Variants in ADAMTS15 observed in about 807,000 individuals in gnomAD.
ADAMTS15 encodes the protein A disintegrin and metalloproteinase with thrombospondin motifs 15.
In ADAMTS15, 35 loss-of-function variants were observed where a neutral mutation model predicts 79.1. The ratio of observed to expected loss-of-function variants is 0.44; its 90% CI spans 0.34 to 0.59. The LOEUF (loss-of-function observed/expected upper bound fraction) is 0.59. ADAMTS15 is among the 20% of genes least tolerant of loss of function. ADAMTS15 has a pLI of 0.02. For missense variants in ADAMTS15, 1,324 were observed against 1,318.7 expected (o/e 1.00, Z -0.06); for synonymous variants, 616 against 567.3 (o/e 1.09, Z -1.22).
At chr11:130,470,125 TATATATAC>T (rs750237535) in intron 5 of ADAMTS15, among the ~76,000 whole-genome samples, 26,901 of 96,128 alleles carry the variant, frequency 0.28, 4,388 homozygotes, top group Non-Finnish European at 0.31. Context: ...GAATCATATA[TATATATAC>T]ATATATATAT....
At chr11:130,452,979 CAAAAA>C (rs139829512) in intron 1 of ADAMTS15, among the ~76,000 whole-genome samples, 1 of 126,746 alleles carries the variant, frequency 7.9e-6, no homozygotes, top group Non-Finnish European at 1.7e-5. Flanking sequence ...GGCTCTGTCT[CAAAAA>C]AAAAAAAAAA....
At position 130,449,699 on chromosome 11, in the gene ADAMTS15, G is replaced by A; in HGVS notation, c.726G>A (p.Leu242=). ...KFHGADLEHY[L]LTLLATAARL... The stretch of plus-strand genomic sequence containing the variant: ...ACGGCGCGGACCTGGAACATTATCT[G>A]CTGACGCTGCTGGCAACGGCGGCGC... Residue 242 remains leucine, a synonymous_variant, in exon 1 of 8, where the codon CTG becomes CTA. Coordinates refer to ENST00000299164, the MANE Select transcript of ADAMTS15 (RefSeq NM_139055.4). This position sits in a 1 kb window ranked among gnomAD's most constrained non-coding sequence, Gnocchi z 7.8. 2 of 1,609,236 alleles carry A rather than the reference G, an allele frequency of 1.2e-6. No homozygotes were observed. The highest frequency in any genetic ancestry group is 8.5e-7 in the Non-Finnish European group (1 of 1,177,914).
Position 130,449,630 on chromosome 11 carries a change from C to T in ADAMTS15, c.657C>T (p.Tyr219=), listed in dbSNP as rs1369054225. The T allele has an allele frequency of 1.2e-6, 2 of 1,603,402 alleles. No individual in the cohort carries two copies. The highest frequency in any genetic ancestry group is 1.7e-6 in the Non-Finnish European group (2 of 1,175,510). The part of the protein sequence containing the change: ...RAKRFVSIPR[Y]VETLVVADES... ...AGCGTTTCGTGTCTATCCCGCGGTA[C>T]GTGGAGACGCTGGTGGTCGCGGACG... Residue 219 remains tyrosine (Y), a synonymous_variant, in exon 1 of 8, where the codon TAC becomes TAT. Coordinates refer to ENST00000299164, the MANE Select transcript of ADAMTS15 (RefSeq NM_139055.4). The surrounding 1 kb of genome is among the most constrained non-coding windows in gnomAD (Gnocchi z 7.8).
intron 4 of ADAMTS15, among the ~76,000 whole-genome samples, chr11:130,464,156 C>A (rs1280617886): frequency 6.6e-6 from 1 of 152,140 alleles, no homozygotes; most frequent in African/African-American, 2.4e-5. Flanking sequence ...CTAGAAGGTC[C>A]TGAGGACAGG....
intron 4 of ADAMTS15, among the ~76,000 whole-genome samples, chr11:130,468,764 C>CA (rs34961681): frequency 0.52 from 40,628 of 77,742 alleles, 10,691 homozygotes; most frequent in Non-Finnish European, 0.59. Context: ...GACTCCATCT[C>CA]AAAAAAAAAA....
At chr11:130,461,083 G>A (rs1436633817) in intron 1 of ADAMTS15, among the ~76,000 whole-genome samples, 1 of 152,214 alleles carries the variant, frequency 6.6e-6, no homozygotes, top group Non-Finnish European at 1.5e-5. Flanking sequence ...GCCTCTGGGT[G>A]GGAATGGGAC....
chr11:130,454,653 AAC>A (rs1565391658), intron 1 of ADAMTS15, among the ~76,000 whole-genome samples: 1 of 152,146 alleles, frequency 6.6e-6, no homozygotes, highest in Non-Finnish European at 1.5e-5. Flanking sequence ...ACTAACTGGA[AAC>A]ACAACACCAT....
chr11:130,473,699 C>T lies in ADAMTS15; in HGVS notation c.2731C>T (p.Arg911Trp), dbSNP rs773041965. Reference sequence around the variant, plus strand: ...GTCACCCTGCTCCAAGAGCTGCGGCCGGGGATTTCAGAGGCGCTCACTCAA... The same window carrying T: ...GTCACCCTGCTCCAAGAGCTGCGGCTGGGGATTTCAGAGGCGCTCACTCAA... ...AWSPCSKSCGRGFQRRSLKCV... is the reference protein window; with the variant it reads ...AWSPCSKSCGWGFQRRSLKCV... Residue 911 changes from arginine to tryptophan, a missense_variant, in exon 8 of 8, where the codon CGG becomes TGG. Transcript: ENST00000299164. 1.6e-5 allele frequency: 25 copies of T among 1,601,680 alleles called. No individual in the cohort carries two copies. Among genetic ancestry groups the T allele is most frequent in the Admixed American group, 1.3e-4 (8 of 59,998 alleles).
intron 1 of ADAMTS15, among the ~76,000 whole-genome samples, chr11:130,457,591 T>C (rs2134722110): frequency 6.6e-6 from 1 of 152,300 alleles, no homozygotes; most frequent in East Asian, 1.9e-4. Context: ...AGCCAATTGC[T>C]GGGAATCGTG....
rs1166805975 is a variant in ADAMTS15, at chr11:130,474,633, CTG to C, written c.*815_*816del. The C allele has an allele frequency of 1.3e-5, 2 of 152,500 alleles. No homozygotes were observed. The highest frequency in any genetic ancestry group is 2.4e-5 in the African/African-American group (1 of 41,462). 9.4% of individuals were successfully genotyped at this position (152,500 alleles called of 1,614,324 possible). A position where few individuals can be genotyped will look rare whatever the true frequency, so the allele number is the denominator to read the frequency against. On this transcript the variant is annotated 3_prime_UTR_variant, in exon 8 of 8. Transcript: ENST00000299164. ...TGACATTTGCTAGGGGCTATGCAGT[CTG>C]TGGCTGATGCAGGGAGTTTTCAGAA...
At chr11:130,457,843 C>T (rs557983096) in intron 1 of ADAMTS15, among the ~76,000 whole-genome samples, 103 of 152,222 alleles carry the variant, frequency 6.8e-4, no homozygotes, top group Admixed American at 2.4e-3. Flanking sequence ...GAGTCCCTGC[C>T]GGGGTGGGGA....
rs778980719 is a variant in ADAMTS15 at position 130,449,342 on chromosome 11, C to T, written c.369C>T (p.Leu123=). 3.6e-5 allele frequency: 58 copies of T among 1,608,202 alleles called. No individual in the cohort carries two copies. In the Admixed American group the frequency reaches 9.5e-4, roughly 26 times the overall value. The change falls in exon 1 of 8, where the codon CTC becomes CTT. Residue 123 remains leucine, a synonymous_variant. Coordinates refer to ENST00000299164, the MANE Select transcript of ADAMTS15 (RefSeq NM_139055.4). The surrounding 1 kb of genome is among the most constrained non-coding windows in gnomAD (Gnocchi z 7.8). ...CTGCTGTGAGCCTGTGCGGGGGGCT[C>T]CGCGGAGCCTTTGGCTACCGAGGCG... ...SFAAVSLCGG[L]RGAFGYRGAE...
At chr11:130,460,808 A>C (rs528212786) in intron 1 of ADAMTS15, among the ~76,000 whole-genome samples, 1 of 152,318 alleles carries the variant, frequency 6.6e-6, no homozygotes, top group Non-Finnish European at 1.5e-5. Flanking sequence ...GCTTCAGTAC[A>C]AAACGAGGGA....
At position 130,470,176 on chromosome 11, in the gene ADAMTS15, A is replaced by ATGTG. The variant is rs1468378035; in HGVS notation, c.1720+738_1720+739insGTGT. 7.0e-5 allele frequency among the ~76,000 whole-genome samples: 4 copies of ATGTG among 56,954 alleles called. 1 individual carries two copies. The highest frequency in any genetic ancestry group is 2.0e-4 in the African/African-American group (2 of 9,772). 37.4% of individuals were successfully genotyped at this position (56,954 alleles called of 152,430 possible). On this transcript the variant is annotated intron_variant, in intron 5 of 7. Transcript: ENST00000299164. ...TGTGTATATATATATATATATATAT[A>ATGTG]TATATGTGTGTATATATATATATAT...
intron 1 of ADAMTS15, among the ~76,000 whole-genome samples, chr11:130,458,802 T>C (rs914852973): frequency 1.3e-5 from 2 of 152,158 alleles, no homozygotes; most frequent in African/African-American, 2.4e-5. Context: ...GGTAGGTGCC[T>C]GCCCCCGCAG....
intron 4 of ADAMTS15, among the ~76,000 whole-genome samples, chr11:130,463,053 T>TA (rs1287335799): frequency 5.3e-5 from 8 of 152,218 alleles, no homozygotes; most frequent in Non-Finnish European, 1.0e-4. Flanking sequence ...ACGTGGGGTC[T>TA]CAGCCCTGAG....
At chr11:130,470,119 C>CATATATATATATACATATATAT (rs1565397433) in intron 5 of ADAMTS15, among the ~76,000 whole-genome samples, 2 of 64,018 alleles carry the variant, frequency 3.1e-5, no homozygotes. Flanking sequence ...ATTACTGAAT[C>CATATATATATATACATATATAT]ATATATATAT....
Position 130,449,721 on chromosome 11 carries a change from G to T in ADAMTS15, c.748G>T (p.Ala250Ser), listed in dbSNP as rs1187488794. The T allele has an allele frequency of 6.2e-7, 1 of 1,611,964 alleles. No homozygotes were observed. Among genetic ancestry groups the T allele is most frequent in the East Asian group, 2.2e-5 (1 of 44,842 alleles). ...TCTGCTGACGCTGCTGGCAACGGCG[G>T]CGCGACTCTACCGCCATCCCAGCAT... is the stretch of plus-strand genomic sequence containing the variant. ...HYLLTLLATAARLYRHPSILN... is the reference protein window; with the variant it reads ...HYLLTLLATASRLYRHPSILN... The change falls in exon 1 of 8, where the codon GCG becomes TCG. Residue 250 changes from alanine (A) to serine (S), a missense_variant. Transcript: ENST00000299164. The surrounding 1 kb of genome is among the most constrained non-coding windows in gnomAD (Gnocchi z 7.8).
chr11:130,471,233 C>T lies in ADAMTS15; in HGVS notation c.1928C>T (p.Pro643Leu). Residue 643 changes from proline (P) to leucine (L), a missense_variant, in exon 7 of 8, where the codon CCT becomes CTT. Coordinates refer to ENST00000299164, the MANE Select transcript of ADAMTS15 (RefSeq NM_139055.4). ...GTGGTGGACGGCACGCTGTGCTCTC[C>T]TGACTCCACCTCCGTCTGTGTCCAA... ...PKVVDGTLCS[P>L]DSTSVCVQGK... The T allele has an allele frequency of 6.2e-7, 1 of 1,607,520 alleles. No homozygotes were observed. Among genetic ancestry groups the T allele is most frequent in the South Asian group, 1.1e-5 (1 of 89,918 alleles).
Sources: gnomAD v4.1 joint callset for allele counts (sites outside exome capture counted in the v4.1 genomes callset) on GRCh38, gnomAD v4.1.1 for gene constraint, Gnocchi (gnomAD v3.1) non-coding constraint, MANE v1.5 for transcripts, NCBI Gene and HGNC (gene_info 2026-07-23, HGNC 2026-07-21) for gene names.